ATP10D: variants seen among roughly 807,000 people sequenced by gnomAD.
ATP10D encodes the protein ATPase phospholipid transporting 10D (putative).
ATP10D carries 89 observed loss-of-function variants against 144.8 expected under a neutral mutation model. The observed-to-expected ratio is 0.61, with a 90% CI of 0.52 to 0.73. The LOEUF (loss-of-function observed/expected upper bound fraction) is 0.73. Ranked by LOEUF, ATP10D falls within the 30% of genes least tolerant of loss-of-function variation. ATP10D has a pLI of 0.00. For missense variants in ATP10D, 1,603 were observed against 1,714.8 expected (o/e 0.93, Z 1.15); for synonymous variants, 571 against 615.1 (o/e 0.93, Z 1.06).
chr4:47,556,776 G>A (rs1161692122), intron 11 of ATP10D: 1 of 152,106 alleles, frequency 6.6e-6, no homozygotes, highest in African/African-American at 2.4e-5. Flanking sequence ...ATTTCTGAAT[G>A]AGAAAATTTT....
chr4:47,535,227 C>G (rs1002669052), intron 5 of ATP10D, among the ~76,000 whole-genome samples: 8 of 151,682 alleles, frequency 5.3e-5, no homozygotes, highest in African/African-American at 1.9e-4. Flanking sequence ...TGCTTATCAC[C>G]TGGGTAAAGA....
chr4:47,505,309 T>G (rs1009948440), intron 1 of ATP10D, among the ~76,000 whole-genome samples: 1 of 152,210 alleles, frequency 6.6e-6, no homozygotes, highest in African/African-American at 2.4e-5. Flanking sequence ...TTACTTAGCA[T>G]AGAGTAGTGA....
At chr4:47,586,774 C>A (rs972359670) in intron 21 of ATP10D, among the ~76,000 whole-genome samples, 1 of 152,176 alleles carries the variant, frequency 6.6e-6, no homozygotes, top group Non-Finnish European at 1.5e-5. Context: ...ATAGAATAAA[C>A]TAATCAACAG....
chr4:47,544,105 G>A (rs1718297137), intron 9 of ATP10D, among the ~76,000 whole-genome samples: 2 of 152,160 alleles, frequency 1.3e-5, no homozygotes, highest in Admixed American at 1.3e-4. Context: ...TGGGGCTGTG[G>A]AGTTTAATAG....
intron 5 of ATP10D, among the ~76,000 whole-genome samples, chr4:47,533,695 A>G (rs1045398999): frequency 6.6e-6 from 1 of 152,190 alleles, no homozygotes; most frequent in Non-Finnish European, 1.5e-5. Flanking sequence ...TAGTCAAGTA[A>G]TTACTTCAAT....
chr4:47,564,127 A>C (rs553917845), intron 15 of ATP10D, among the ~76,000 whole-genome samples: 2 of 152,202 alleles, frequency 1.3e-5, no homozygotes, highest in East Asian at 3.9e-4. Flanking sequence ...CTTGACCTCA[A>C]GTGATCCGCC....
At chr4:47,577,907 C>T in intron 19 of ATP10D, among the ~76,000 whole-genome samples, 1 of 152,168 alleles carries the variant, frequency 6.6e-6, no homozygotes, top group East Asian at 1.9e-4. Flanking sequence ...GTCCCACGCC[C>T]CAGGCATAAT....
At chr4:47,585,246 T>C (rs1405596141) in intron 21 of ATP10D, among the ~76,000 whole-genome samples, 1 of 152,076 alleles carries the variant, frequency 6.6e-6, no homozygotes. Context: ...ATATTAATAT[T>C]ATGAAGTTGG....
intron 5 of ATP10D, among the ~76,000 whole-genome samples, chr4:47,534,102 C>G (rs1198556198): frequency 6.6e-6 from 1 of 152,110 alleles, no homozygotes; most frequent in Non-Finnish European, 1.5e-5. Flanking sequence ...ATTTCCTCTC[C>G]CAATAAATTG....
intron 3 of ATP10D, among the ~76,000 whole-genome samples, chr4:47,521,275 C>T (rs1162870008): frequency 6.6e-6 from 1 of 152,312 alleles, no homozygotes; most frequent in Non-Finnish European, 1.5e-5. Flanking sequence ...AGTTATCTCA[C>T]CTGTGATACA....
rs1717925953 is a variant in ATP10D, at chr4:47,537,737, T to C, written c.1396+799T>C. Among the ~76,000 whole-genome samples, 2 of 152,182 alleles carry C rather than the reference T, an allele frequency of 1.3e-5. 1 individual carries two copies. Among genetic ancestry groups the C allele is most frequent in the South Asian group, 4.1e-4 (2 of 4,830 alleles). ...AGTTCATAACTTAAAATTAAGAATA[T>C]AGTTTTCTACTATATGTGGTCAAAC... On this transcript the variant is annotated intron_variant, in intron 9 of 22. Coordinates refer to ENST00000273859, the MANE Select transcript of ATP10D (RefSeq NM_020453.4).
At chr4:47,539,891 G>A (rs971813435) in intron 9 of ATP10D, among the ~76,000 whole-genome samples, 3 of 152,134 alleles carry the variant, frequency 2.0e-5, no homozygotes, top group Non-Finnish European at 4.4e-5. Flanking sequence ...CCCTGCCCAA[G>A]TGAGTATTTT....
At chr4:47,531,217 C>A (rs1223990952) in intron 5 of ATP10D, among the ~76,000 whole-genome samples, 1 of 152,080 alleles carries the variant, frequency 6.6e-6, no homozygotes, top group Non-Finnish European at 1.5e-5. Context: ...TCCATAGCAT[C>A]TGTAAGTAGC....
At chr4:47,503,788 A>C (rs1335922053) in intron 1 of ATP10D, among the ~76,000 whole-genome samples, 1 of 152,034 alleles carries the variant, frequency 6.6e-6, no homozygotes, top group African/African-American at 2.4e-5. Context: ...CATCCCAGCT[A>C]CTTGTGAAGC....
rs201342683 is a variant in ATP10D at position 47,546,714 on chromosome 4, C to T, written c.1487C>T (p.Pro496Leu). The change falls in exon 10 of 23, where the codon CCG becomes CTG. Residue 496 changes from proline to leucine, a missense_variant. Pro to Leu is a moderately conservative substitution (Grantham distance 98, BLOSUM62 -3). Transcript: ENST00000273859. ...VSGSLSNMAK[P>L]RAPSCRTVHN... ...GGTTCCCTCAGCAATATGGCAAAAC[C>T]GAGAGCCCCCAGCTGCAGGACAGTT... 50 of 1,613,936 alleles carry T rather than the reference C, an allele frequency of 3.1e-5. No individual in the cohort carries two copies. Among genetic ancestry groups the T allele is most frequent in the African/African-American group, 1.7e-4 (13 of 74,884 alleles).
chr4:47,487,516 C>G (rs1340363889), intron 1 of ATP10D, among the ~76,000 whole-genome samples: 1 of 152,120 alleles, frequency 6.6e-6, no homozygotes, highest in Non-Finnish European at 1.5e-5. Flanking sequence ...AGAATTCTCA[C>G]AGAACAATGC....
At chr4:47,577,572 A>G (rs752232646) in intron 19 of ATP10D, among the ~76,000 whole-genome samples, 10 of 152,140 alleles carry the variant, frequency 6.6e-5, no homozygotes, top group East Asian at 1.9e-4. Flanking sequence ...CAAGCTCTCA[A>G]TGTTGTCATT....
rs1212960459 is a variant in ATP10D at position 47,515,594 on chromosome 4, A to C, written c.409A>C (p.Lys137Gln). ...LVVVLTIIAI[K>Q]DGLEDYRKYK... ...GGTGGTCCTTACAATTATCGCAATT[A>C]AAGATGGCCTGGAAGATTATCGGAA... Residue 137 changes from lysine (K) to glutamine (Q), a missense_variant, in exon 3 of 23, where the codon AAA becomes CAA. Lys to Gln is a moderately conservative substitution (Grantham distance 53). Coordinates refer to ENST00000273859, the MANE Select transcript of ATP10D (RefSeq NM_020453.4). The C allele has an allele frequency of 1.2e-6, 2 of 1,613,160 alleles. No individual in the cohort carries two copies. Among genetic ancestry groups the C allele is most frequent in the Non-Finnish European group, 1.7e-6 (2 of 1,179,250 alleles).
chr4:47,577,359 G>T (rs921930590), intron 19 of ATP10D, among the ~76,000 whole-genome samples: 1 of 152,174 alleles, frequency 6.6e-6, no homozygotes, highest in African/African-American at 2.4e-5. Context: ...CCTCAAAGGG[G>T]TTAAGTAATT....
Sources: gnomAD v4.1 joint callset for allele counts (sites outside exome capture counted in the v4.1 genomes callset) on GRCh38, gnomAD v4.1.1 for gene constraint, MANE v1.5 for transcripts, NCBI Gene and HGNC (gene_info 2026-07-23, HGNC 2026-07-21) for gene names.